EQTN: variants seen among roughly 807,000 people sequenced by gnomAD.
EQTN encodes the protein equatorin, also known as Acrosome formation associated factor.
EQTN carries 29 observed loss-of-function variants against 26.9 expected under a neutral mutation model. The ratio of observed to expected loss-of-function variants is 1.08; its 90% confidence interval spans 0.80 to 1.47. EQTN has a LOEUF of 1.47. EQTN is among the 40% of genes most tolerant of loss of function. EQTN has a pLI of 0.00. For missense variants in EQTN, 391 were observed against 346.1 expected, an observed-to-expected ratio of 1.13 and a Z score of -1.03; for synonymous variants, 129 against 120.0, an observed-to-expected ratio of 1.07 and a Z score of -0.49.
At chr9:27,289,021 A>G (rs542721224) in intron 6 of EQTN, among the ~76,000 whole-genome samples, 4 of 152,364 alleles carry the variant, frequency 2.6e-5, no homozygotes, top group Non-Finnish European at 5.9e-5. Context: ...TCAATTAATA[A>G]TGAATCACTA....
intron 2 of EQTN, among the ~76,000 whole-genome samples, chr9:27,294,775 C>A (rs975334678): frequency 6.6e-6 from 1 of 152,132 alleles, no homozygotes; most frequent in Non-Finnish European, 1.5e-5. Flanking sequence ...GCCCTTGAAC[C>A]TTCTGTTAGA....
chr9:27,293,609 C>T (rs1402585028), intron 3 of EQTN, among the ~76,000 whole-genome samples: 1 of 152,138 alleles, frequency 6.6e-6, no homozygotes, highest in Admixed American at 6.6e-5. Context: ...TCCTTGGGTC[C>T]TGCAGTCTGT....
chr9:27,295,704 C>T (rs1379853625), intron 2 of EQTN, among the ~76,000 whole-genome samples: 3 of 151,710 alleles, frequency 2.0e-5, no homozygotes, highest in African/African-American at 7.3e-5. Flanking sequence ...TGGTGGCGGG[C>T]GCCTGTAGTC....
At position 27,290,554 on chromosome 9, in the gene EQTN, G is replaced by A. The variant is rs147270123; in HGVS notation, c.421+465C>T. On this transcript the variant is annotated intron_variant, in intron 5 of 7. Transcript: ENST00000380032. The stretch of plus-strand genomic sequence containing the variant: ...ATACATGCATTACCTTTATACATGT[G>A]TACATCCATATATGCACATGCATTT... Among the ~76,000 whole-genome samples, 559 of 152,272 alleles carry A rather than the reference G, an allele frequency of 3.7e-3. 2 individuals carry two copies. The highest frequency in any genetic ancestry group is 0.013 in the African/African-American group (542 of 41,556).
At chr9:27,292,904 T>G (rs1820266594) in intron 3 of EQTN, among the ~76,000 whole-genome samples, 1 of 152,128 alleles carries the variant, frequency 6.6e-6, no homozygotes, top group Admixed American at 6.5e-5. Flanking sequence ...GAGTATTAAG[T>G]GTGTTTGTAA....
intron 5 of EQTN, among the ~76,000 whole-genome samples, chr9:27,290,778 T>C (rs909156505): frequency 5.3e-5 from 8 of 152,356 alleles, no homozygotes; most frequent in African/African-American, 1.9e-4. Flanking sequence ...ATTTTAACCA[T>C]AAATAAATTG....
Position 27,284,898 on chromosome 9 carries a change from C to A in EQTN, c.710G>T (p.Gly237Val). ...CTTGGAAAAGGATGTATCTGAAACACCTTCTGATGGATGAAAGTAAGACAT... is the reference window on the plus strand; with the variant it reads ...CTTGGAAAAGGATGTATCTGAAACAACTTCTGATGGATGAAAGTAAGACAT... ...ATMSYFHPSE[G>V]VSDTSFSKSA... is the part of the protein sequence containing the mutation. Residue 237 changes from glycine to valine, a missense_variant, in exon 8 of 8, where the codon GGT becomes GTT. Physicochemically the swap from Gly to Val is moderately radical, Grantham distance 109. Coordinates refer to ENST00000380032, the MANE Select transcript of EQTN (RefSeq NM_020641.3). 6.2e-7 allele frequency: 1 copy of A among 1,614,032 alleles called. No individual in the cohort carries two copies. The highest frequency in any genetic ancestry group is 8.5e-7 in the Non-Finnish European group (1 of 1,179,960).
chr9:27,290,566 A>C (rs1004669481), intron 5 of EQTN, among the ~76,000 whole-genome samples: 7 of 152,254 alleles, frequency 4.6e-5, no homozygotes, highest in Non-Finnish European at 8.8e-5. Flanking sequence ...ACATCCATAT[A>C]TGCACATGCA....
At position 27,296,668 on chromosome 9, in the gene EQTN, G is replaced by C. The variant is rs1315476009; in HGVS notation, c.147C>G (p.Pro49=). 41 of 1,595,286 alleles carry C rather than the reference G, an allele frequency of 2.6e-5. No individual in the cohort carries two copies. Among genetic ancestry groups the C allele is most frequent in the Non-Finnish European group, 3.4e-5 (40 of 1,165,192 alleles). ...TTTTCTCATTAGCAGGAGCATAATT[G>C]GGAGTATGATCTTCATTCTTTTCTT... The part of the protein sequence containing the change: ...KQEEKNEDHT[P]NYAPANEKNG... The change falls in exon 2 of 8, where the codon CCC becomes CCG. Residue 49 remains proline (P), a synonymous_variant. Coordinates refer to ENST00000380032, the MANE Select transcript of EQTN (RefSeq NM_020641.3).
intron 4 of EQTN, 47 bp downstream of exon 4, chr9:27,292,354 C>T (rs1338470629): frequency 7.7e-7 from 1 of 1,305,796 alleles, no homozygotes; most frequent in Non-Finnish European, 1.1e-6. Flanking sequence ...TTTTAAGTCA[C>T]ATAATGATAT....
intron 2 of EQTN, 144 bp from the exon 3 acceptor site, chr9:27,294,546 A>G: frequency 2.3e-6 from 1 of 437,504 alleles, no homozygotes; most frequent in Non-Finnish European, 4.0e-6. Flanking sequence ...TTCATCTACA[A>G]AATAAGAAAG....
chr9:27,293,460 G>A (rs1026349046), intron 3 of EQTN, among the ~76,000 whole-genome samples: 5 of 152,106 alleles, frequency 3.3e-5, no homozygotes, highest in Non-Finnish European at 5.9e-5. Flanking sequence ...CCTCTAGAAC[G>A]TCCCTACCAT....
rs1820225939 is a variant in EQTN at position 27,291,077 on chromosome 9, AC to A, written c.377-15del. ...TTGGGGTTGATCCTGTTAAAACAAA[AC>A]AAAACACAACAAGAACAACAAGAAA... On this transcript the variant is annotated splice_polypyrimidine_tract_variant and intron_variant, in intron 4 of 7. Transcript: ENST00000380032. 1.9e-6 allele frequency: 3 copies of A among 1,598,560 alleles called. No homozygotes were observed. The highest frequency in any genetic ancestry group is 2.2e-5 in the East Asian group (1 of 44,756).
intron 5 of EQTN, among the ~76,000 whole-genome samples, 163 bp from the exon 6 acceptor site, chr9:27,289,894 G>A (rs1309898759): frequency 6.6e-5 from 10 of 152,224 alleles, no homozygotes; most frequent in African/African-American, 2.2e-4. Flanking sequence ...CTGTATTAAC[G>A]AATACTGAAC....
At chr9:27,295,749 G>T (rs1820323502) in intron 2 of EQTN, among the ~76,000 whole-genome samples, 2 of 142,318 alleles carry the variant, frequency 1.4e-5, no homozygotes, top group African/African-American at 5.2e-5. Context: ...GGAGAATGGT[G>T]TGAACCCGGG....
Position 27,294,301 on chromosome 9 carries a change from C to T in EQTN, c.289+15G>A, listed in dbSNP as rs894589208. 4 of 1,587,798 alleles carry T rather than the reference C, an allele frequency of 2.5e-6. No individual in the cohort carries two copies. Among genetic ancestry groups the T allele is most frequent in the African/African-American group, 1.3e-5 (1 of 74,358 alleles). On this transcript the variant is annotated intron_variant, in intron 3 of 7. Coordinates refer to ENST00000380032, the MANE Select transcript of EQTN (RefSeq NM_020641.3). ...AATGGCTTTTACATGTGCAATGGTG[C>T]CTTTCACTTCTTACCGTTTTTTAGA...
At position 27,284,695 on chromosome 9, in the gene EQTN, G is replaced by C. The variant is rs1363064418; in HGVS notation, c.*28C>G. 6.3e-6 allele frequency: 10 copies of C among 1,595,564 alleles called. No individual in the cohort carries two copies. Among genetic ancestry groups the C allele is most frequent in the Admixed American group, 1.8e-5 (1 of 56,952 alleles). On this transcript the variant is annotated 3_prime_UTR_variant, in exon 8 of 8. Transcript: ENST00000380032. ...ATTAAAGTTATTTATTCATCAATAA[G>C]ATTTCTTCACCGGGTTCCTTGATTT...
At chr9:27,294,463 T>G in intron 2 of EQTN, 61 bp from the exon 3 acceptor site, 1 of 993,130 alleles carries the variant, frequency 1.0e-6, no homozygotes, top group Middle Eastern at 2.2e-4. Flanking sequence ...CTTTACCTTT[T>G]TCTTCCTCTG....
chr9:27,294,506 A>T, intron 2 of EQTN, 104 bp from the exon 3 acceptor site: 1 of 506,794 alleles, frequency 2.0e-6, no homozygotes, highest in Non-Finnish European at 3.3e-6. Flanking sequence ...CTAATTAAAA[A>T]AAAATTAAAA....
Sources: gnomAD v4.1 joint callset for allele counts (sites outside exome capture counted in the v4.1 genomes callset) on GRCh38, gnomAD v4.1.1 for gene constraint, MANE v1.5 for transcripts, NCBI Gene and HGNC (gene_info 2026-07-23, HGNC 2026-07-21) for gene names.